WARS2: variants seen among roughly 807,000 people sequenced by gnomAD.
The protein encoded by WARS2 is tryptophanyl tRNA synthetase 2, mitochondrial, also known as tryptophan--tRNA ligase, mitochondrial.
In WARS2, 28 loss-of-function variants were observed where a neutral mutation model predicts 36.5. The observed-to-expected ratio is 0.77, with a 90% CI of 0.57 to 1.05. WARS2 has a LOEUF of 1.05. Ranked by LOEUF, WARS2 falls within the 50% of genes least tolerant of loss-of-function variation. WARS2 has a pLI of 0.00. For missense variants in WARS2, 435 were observed against 456.8 expected, an observed-to-expected ratio of 0.95 and a Z score of 0.44; for synonymous variants, 174 against 178.4, an observed-to-expected ratio of 0.98 and a Z score of 0.20.
chr1:119,076,725 A>T, intron 1 of WARS2, 118 bp from the exon 2 acceptor site: 1 of 1,411,534 alleles, frequency 7.1e-7, no homozygotes, highest in Non-Finnish European at 9.6e-7. Flanking sequence ...TCTGACAGTC[A>T]TCATCATCCA....
At chr1:119,078,439 T>C (rs1651907958) in intron 1 of WARS2, among the ~76,000 whole-genome samples, 1 of 152,186 alleles carries the variant, frequency 6.6e-6, no homozygotes, top group Non-Finnish European at 1.5e-5. Context: ...TTCCTAAGTA[T>C]GTAACATTAT....
intron 1 of WARS2, among the ~76,000 whole-genome samples, chr1:119,081,870 C>T (rs1652217984): frequency 6.6e-6 from 1 of 152,148 alleles, no homozygotes; most frequent in Non-Finnish European, 1.5e-5. Flanking sequence ...TTTGGCCATG[C>T]CTCAGCATTG....
At chr1:119,058,441 A>C (rs1650046639) in intron 2 of WARS2, among the ~76,000 whole-genome samples, 1 of 138,258 alleles carries the variant, frequency 7.2e-6, no homozygotes, top group African/African-American at 2.9e-5. Flanking sequence ...TATATCTCCC[A>C]ATGCTATCCC....
intron 2 of WARS2, among the ~76,000 whole-genome samples, chr1:119,059,361 T>G (rs1331900484): frequency 6.6e-6 from 1 of 152,110 alleles, no homozygotes; most frequent in Non-Finnish European, 1.5e-5. Context: ...TTTGGTGTTT[T>G]AGACATGAAG....
At chr1:119,052,140 G>A (rs1003624353) in intron 2 of WARS2, among the ~76,000 whole-genome samples, 7 of 152,122 alleles carry the variant, frequency 4.6e-5, no homozygotes, top group African/African-American at 1.4e-4. Context: ...AACAGAAAGA[G>A]TGCAGGATAG....
In WARS2 at chr1:119,126,944, G is replaced by T. The variant is rs1655705976; in HGVS notation, c.90+13611C>A. On this transcript the variant is annotated intron_variant, in intron 1 of 5. Transcript: ENST00000235521. ...AGAACAGATGAAGCAATCATTGTCT[G>T]CCATTTTTTGATCATGGAACACATT... The T allele has an allele frequency of 1.8e-5, 13 of 740,390 alleles. No homozygotes were observed. In the South Asian group the frequency reaches 1.8e-4, roughly 10 times the overall value. The allele number at this position is 740,390 out of a possible 1,614,324, so 45.9% of individuals were successfully genotyped here. A position where few individuals can be genotyped will look rare whatever the true frequency, so the allele number is the denominator to read the frequency against.
intron 2 of WARS2, among the ~76,000 whole-genome samples, chr1:119,072,759 T>C (rs1328620337): frequency 1.3e-5 from 2 of 152,306 alleles, no homozygotes; most frequent in Middle Eastern, 3.4e-3. Flanking sequence ...TACAGTATTA[T>C]GGTTATGTAA....
chr1:119,037,165 T>C (rs1647954829), intron 4 of WARS2, among the ~76,000 whole-genome samples: 1 of 152,192 alleles, frequency 6.6e-6, no homozygotes, highest in Non-Finnish European at 1.5e-5. Context: ...TAAGTTACTC[T>C]GACTGTGCTT....
At chr1:119,136,403 A>G (rs1656512533) in intron 1 of WARS2, among the ~76,000 whole-genome samples, 1 of 152,222 alleles carries the variant, frequency 6.6e-6, no homozygotes, top group Non-Finnish European at 1.5e-5. Flanking sequence ...TATTATTATC[A>G]TTTTAATAAA....
In WARS2 at chr1:119,032,724, G is replaced by A. The variant is rs577350552; in HGVS notation, c.*187C>T. The A allele has an allele frequency of 7.6e-5, 46 of 609,270 alleles. No homozygotes were observed. The highest frequency in any genetic ancestry group is 1.2e-4 in the Non-Finnish European group (42 of 359,756). The allele number at this position is 609,270 out of a possible 1,614,324, so 37.7% of individuals were successfully genotyped here. On this transcript the variant is annotated 3_prime_UTR_variant, in exon 6 of 6. Transcript: ENST00000235521. ...TTGTTGTTGTTGTTCACAGCATTTT[G>A]TTGATGGGATTTGGAACACTGTCGT...
chr1:119,045,462 A>T, intron 3 of WARS2, 120 bp downstream of exon 3: 1 of 787,470 alleles, frequency 1.3e-6, no homozygotes, highest in South Asian at 1.7e-5. Context: ...GTTAAAGATG[A>T]TGTTCCAACC....
chr1:119,105,633 G>A (rs1321000810), intron 1 of WARS2, among the ~76,000 whole-genome samples: 1 of 152,130 alleles, frequency 6.6e-6, no homozygotes, highest in East Asian at 1.9e-4. Flanking sequence ...GCATTAGGCC[G>A]GGCATAATTG....
chr1:119,035,390 C>T (rs542282157), intron 4 of WARS2, among the ~76,000 whole-genome samples: 4 of 152,066 alleles, frequency 2.6e-5, no homozygotes, highest in Admixed American at 6.5e-5. Flanking sequence ...TCTAAGCCTT[C>T]GTTTCCTCTG....
At chr1:119,070,076 T>C (rs1045896122) in intron 2 of WARS2, among the ~76,000 whole-genome samples, 1 of 152,196 alleles carries the variant, frequency 6.6e-6, no homozygotes, top group Non-Finnish European at 1.5e-5. Flanking sequence ...AAGTTCTATA[T>C]GCTGAGTATT....
chr1:119,078,727 T>C (rs1651956806), intron 1 of WARS2, among the ~76,000 whole-genome samples: 1 of 152,356 alleles, frequency 6.6e-6, no homozygotes, highest in Non-Finnish European at 1.5e-5. Context: ...GCTAATATTT[T>C]GTCAATTACA....
At chr1:119,105,572 G>A (rs188199270) in intron 1 of WARS2, among the ~76,000 whole-genome samples, 43 of 152,196 alleles carry the variant, frequency 2.8e-4, no homozygotes, top group Non-Finnish European at 1.0e-4. Context: ...CAGGGAGGTA[G>A]GAGTAAAACA....
intron 1 of WARS2, among the ~76,000 whole-genome samples, chr1:119,112,068 A>G (rs367832189): frequency 1.3e-5 from 2 of 152,190 alleles, no homozygotes; most frequent in African/African-American, 4.8e-5. Flanking sequence ...GATAACAAGC[A>G]TGCACCACCA....
rs564403592 is a variant in WARS2, at chr1:119,058,930, G to A, written c.349-13268C>T. ...ACTAGTTTACAGTCCCACCAACAGT[G>A]TAAAAGTGTTCCTATTTCTCCACAT... On this transcript the variant is annotated intron_variant, in intron 2 of 5. Transcript: ENST00000235521. Among the ~76,000 whole-genome samples, 283 of 151,694 alleles carry A rather than the reference G, an allele frequency of 1.9e-3. 1 individual carries two copies. Among genetic ancestry groups the A allele is most frequent in the Middle Eastern group, 3.4e-3 (1 of 294 alleles).
intron 3 of WARS2, among the ~76,000 whole-genome samples, chr1:119,042,965 A>C (rs1648498306): frequency 6.6e-6 from 1 of 152,240 alleles, no homozygotes; most frequent in Non-Finnish European, 1.5e-5. Flanking sequence ...TGACCCAATG[A>C]GCAGTACAGG....
Sources: gnomAD v4.1 joint callset for allele counts (sites outside exome capture counted in the v4.1 genomes callset) on GRCh38, gnomAD v4.1.1 for gene constraint, MANE v1.5 for transcripts, NCBI Gene and HGNC (gene_info 2026-07-23, HGNC 2026-07-21) for gene names.